The following RAB3GAP1 variants were observed in gnomAD, a reference collection of about 807,000 sequenced individuals.
RAB3GAP1 encodes the protein rab3 GTPase-activating protein catalytic subunit.
Under a neutral mutation model 130.7 loss-of-function variants are expected in RAB3GAP1, and 86 were observed. The observed-to-expected ratio is 0.66, with a 90% confidence interval of 0.55 to 0.79. The LOEUF (loss-of-function observed/expected upper bound fraction) is 0.79, where lower values mean the gene tolerates loss of function less well. Ranked by LOEUF, RAB3GAP1 falls within the 30% of genes least tolerant of loss-of-function variation. The probability of loss-of-function intolerance (pLI) is 0.00; values close to 1 mark genes in which losing one functional copy is unlikely to be tolerated. For missense variants in RAB3GAP1, 1,029 were observed against 1,169.4 expected, an observed-to-expected ratio of 0.88 and a Z score of 1.75; for synonymous variants, 367 against 401.7, an observed-to-expected ratio of 0.91 and a Z score of 1.03.
intron 23 of RAB3GAP1, chr2:135,167,693 C>A: frequency 6.7e-7 from 1 of 1,494,156 alleles, no homozygotes; most frequent in Non-Finnish European, 9.0e-7. Flanking sequence ...CCTTCTCAAG[C>A]TGACTGAATC....
chr2:135,168,970 C>A lies in RAB3GAP1; in HGVS notation c.*189C>A. On this transcript the variant is annotated 3_prime_UTR_variant, in exon 24 of 24. Coordinates refer to ENST00000264158, the MANE Select transcript of RAB3GAP1 (RefSeq NM_012233.3). The stretch of plus-strand genomic sequence containing the variant: ...CTGTGTCGTTTCGTGGAGGGGGCAG[C>A]GAGGATGGGCTTGAGCTGTTGAGAG... The A allele has an allele frequency of 2.3e-6, 1 of 432,696 alleles. No homozygotes were observed. Among genetic ancestry groups the A allele is most frequent in the Non-Finnish European group, 4.3e-6 (1 of 230,982 alleles). 26.8% of individuals were successfully genotyped at this position (432,696 alleles called of 1,614,324 possible).
chr2:135,101,797 T>C (rs1690456347), intron 5 of RAB3GAP1, among the ~76,000 whole-genome samples: 1 of 152,192 alleles, frequency 6.6e-6, no homozygotes, highest in Non-Finnish European at 1.5e-5. Flanking sequence ...ACTTTTCTTT[T>C]TTTATTTTCT....
At chr2:135,090,240 T>C (rs1304272377) in intron 3 of RAB3GAP1, among the ~76,000 whole-genome samples, 1 of 152,198 alleles carries the variant, frequency 6.6e-6, no homozygotes, top group Admixed American at 6.5e-5. Flanking sequence ...TCCAGGAATA[T>C]ATATAAAAAT....
chr2:135,145,561 A>G (rs1021292121), intron 17 of RAB3GAP1, among the ~76,000 whole-genome samples: 1 of 152,142 alleles, frequency 6.6e-6, no homozygotes, highest in Non-Finnish European at 1.5e-5. Flanking sequence ...TTCAAATTCC[A>G]TTTCTACCAT....
chr2:135,123,414 C>T (rs1691258522), intron 8 of RAB3GAP1, among the ~76,000 whole-genome samples: 1 of 152,070 alleles, frequency 6.6e-6, no homozygotes, highest in African/African-American at 2.4e-5. Context: ...TAATCATTTA[C>T]TTAGGATGTA....
chr2:135,104,459 A>C (rs1456843464), intron 5 of RAB3GAP1, among the ~76,000 whole-genome samples: 1 of 152,192 alleles, frequency 6.6e-6, no homozygotes, highest in East Asian at 1.9e-4. Flanking sequence ...ACATCAAAAT[A>C]TTTATTACAA....
In RAB3GAP1 at chr2:135,147,019, C is replaced by G. The variant is rs182436396; in HGVS notation, c.1924-3350C>G. Among the ~76,000 whole-genome samples, 47 of 151,854 alleles carry G rather than the reference C, an allele frequency of 3.1e-4. 1 individual carries two copies. Among genetic ancestry groups the G allele is most frequent in the African/African-American group, 1.1e-3 (45 of 41,352 alleles). The stretch of plus-strand genomic sequence containing the variant: ...ACACACGAAAATTTATCAAATGTGC[C>G]TTTAAATTATTGTATGTTGATTCTA... On this transcript the variant is annotated intron_variant, in intron 17 of 23. Transcript: ENST00000264158.
At chr2:135,063,462 A>G (rs555100742) in intron 3 of RAB3GAP1, among the ~76,000 whole-genome samples, 1 of 152,264 alleles carries the variant, frequency 6.6e-6, no homozygotes, top group South Asian at 2.1e-4. Flanking sequence ...ACTACCCATT[A>G]AACAAGAACT....
chr2:135,081,959 G>A (rs1039035405), intron 3 of RAB3GAP1, among the ~76,000 whole-genome samples: 3 of 151,920 alleles, frequency 2.0e-5, no homozygotes, highest in African/African-American at 7.3e-5. Flanking sequence ...TGGCCAACAT[G>A]GTAAAGCCCC....
Position 135,150,405 on chromosome 2 carries a change from C to A in RAB3GAP1, c.1960C>A (p.Gln654Lys). ...APMTEDLLEE[Q>K]SEVLAKLGTS... is the part of the protein sequence containing the mutation. ...TATGACAGAAGATCTGCTAGAAGAGCAGTCTGAAGTTTTAGCTAAATTAGG... is the reference window on the plus strand; with the variant it reads ...TATGACAGAAGATCTGCTAGAAGAGAAGTCTGAAGTTTTAGCTAAATTAGG... Residue 654 changes from glutamine (Q) to lysine (K), a missense_variant, in exon 18 of 24, where the codon CAG becomes AAG. Physicochemically the swap from Gln to Lys is moderately conservative, Grantham distance 53. Coordinates refer to ENST00000264158, the MANE Select transcript of RAB3GAP1 (RefSeq NM_012233.3). 1 of 1,614,146 alleles carries A rather than the reference C, an allele frequency of 6.2e-7. No homozygotes were observed. The highest frequency in any genetic ancestry group is 8.5e-7 in the Non-Finnish European group (1 of 1,180,024).
Position 135,130,000 on chromosome 2 carries a change from T to G in RAB3GAP1, c.979T>G (p.Phe327Val). 1.2e-6 allele frequency: 2 copies of G among 1,610,006 alleles called. No homozygotes were observed. The highest frequency in any genetic ancestry group is 1.7e-6 in the Non-Finnish European group (2 of 1,176,816). Residue 327 changes from phenylalanine to valine, a missense_variant, in exon 12 of 24, where the codon TTT becomes GTT. Physicochemically the swap from Phe to Val is conservative, Grantham distance 50 (BLOSUM62 -1). This residue lies in a region of RAB3GAP1 where 510 missense variants were observed against 532.1 expected (regional missense o/e 0.96). Coordinates refer to ENST00000264158, the MANE Select transcript of RAB3GAP1 (RefSeq NM_012233.3). The part of the protein sequence containing the change: ...AENPQCLLGD[F>V]VTEFFKICRR... The stretch of plus-strand genomic sequence containing the variant: ...TAACTTTTTTTCCTACATAGGTGAT[T>G]TTGTCACTGAATTTTTTAAAATTTG...
intron 5 of RAB3GAP1, among the ~76,000 whole-genome samples, chr2:135,110,833 AT>A (rs1373765302): frequency 2.6e-5 from 4 of 152,192 alleles, no homozygotes; most frequent in Non-Finnish European, 4.4e-5. Context: ...ATATAATTGT[AT>A]TTGAGGGTAG....
rs368141793 is a variant in RAB3GAP1 at position 135,126,671 on chromosome 2, G to A, written c.973+15G>A. On this transcript the variant is annotated intron_variant, in intron 11 of 23. Transcript: ENST00000264158. ...GTGTTTGCTAGGTAAGGTATATTAT[G>A]CTCCTTTCCTGAAATACTGCTGATC... The A allele has an allele frequency of 6.3e-7, 1 of 1,590,190 alleles. No homozygotes were observed. The highest frequency in any genetic ancestry group is 1.1e-5 in the South Asian group (1 of 90,554).
At chr2:135,122,343 C>T (rs1044944250) in intron 8 of RAB3GAP1, among the ~76,000 whole-genome samples, 3 of 151,696 alleles carry the variant, frequency 2.0e-5, no homozygotes, top group African/African-American at 7.3e-5. Flanking sequence ...CAGTCTATGT[C>T]TGGTTAGAAG....
At chr2:135,136,751 A>G in intron 17 of RAB3GAP1, 2 of 1,101,250 alleles carry the variant, frequency 1.8e-6, no homozygotes, top group East Asian at 5.2e-5. Flanking sequence ...ATAAGAAGGG[A>G]TATTATGATA....
At chr2:135,075,820 T>G (rs1689616942) in intron 3 of RAB3GAP1, among the ~76,000 whole-genome samples, 1 of 151,980 alleles carries the variant, frequency 6.6e-6, no homozygotes, top group African/African-American at 2.4e-5. Context: ...GGTCACAGAG[T>G]GTCAGTCTCT....
intron 22 of RAB3GAP1, among the ~76,000 whole-genome samples, chr2:135,164,034 C>T (rs959296573): frequency 1.3e-5 from 2 of 152,166 alleles, no homozygotes; most frequent in Non-Finnish European, 2.9e-5. Context: ...GGTTTGGTGG[C>T]TTTGTGCCTT....
chr2:135,073,435 A>C (rs2104845343), intron 3 of RAB3GAP1, among the ~76,000 whole-genome samples: 1 of 152,344 alleles, frequency 6.6e-6, no homozygotes, highest in East Asian at 1.9e-4. Flanking sequence ...CCCTCAGCTC[A>C]AGGCCATCAG....
At chr2:135,147,071 T>C (rs1174898791) in intron 17 of RAB3GAP1, among the ~76,000 whole-genome samples, 1 of 151,916 alleles carries the variant, frequency 6.6e-6, no homozygotes, top group Non-Finnish European at 1.5e-5. Flanking sequence ...TAGGGCTGGG[T>C]GAGGTCGCTC....
Sources: gnomAD v4.1 joint callset for allele counts (sites outside exome capture counted in the v4.1 genomes callset) on GRCh38, gnomAD v4.1.1 for gene constraint, gnomAD v4.1.1 regional missense constraint, MANE v1.5 for transcripts, NCBI Gene and HGNC (gene_info 2026-07-23, HGNC 2026-07-21) for gene names.